KIZ: variants seen among roughly 807,000 people sequenced by gnomAD.
KIZ encodes centrosomal protein kizuna.
In KIZ, 68 loss-of-function variants were observed where a neutral mutation model predicts 79.6. That is an observed-to-expected ratio of 0.85 (90% CI 0.70 to 1.05). KIZ has a LOEUF of 1.05. Among genes scored for constraint, KIZ ranks in the 50% least tolerant of loss-of-function variants. The pLI is 0.00. For missense variants in KIZ, 797 were observed against 800.4 expected (o/e 1.00, Z 0.05); for synonymous variants, 280 against 281.8 (o/e 0.99, Z 0.06).
chr20:21,168,824 C>A (rs192118647), intron 6 of KIZ, among the ~76,000 whole-genome samples: 4 of 152,258 alleles, frequency 2.6e-5, no homozygotes, highest in African/African-American at 7.2e-5. Flanking sequence ...CAAAAACAAG[C>A]AATGGGGAAA....
intron 4 of KIZ, among the ~76,000 whole-genome samples, chr20:21,146,397 G>A (rs1171132840): frequency 6.6e-6 from 1 of 152,230 alleles, no homozygotes; most frequent in Non-Finnish European, 1.5e-5. Flanking sequence ...TCCTTAGGCT[G>A]CAGCATTCAT....
intron 9 of KIZ, among the ~76,000 whole-genome samples, chr20:21,221,214 A>G (rs1215912484): frequency 1.3e-5 from 2 of 152,180 alleles, no homozygotes; most frequent in Non-Finnish European, 2.9e-5. Flanking sequence ...TATTCACACT[A>G]AATTTACCTT....
intron 4 of KIZ, among the ~76,000 whole-genome samples, chr20:21,153,680 G>A (rs971688249): frequency 3.3e-5 from 5 of 152,118 alleles, no homozygotes; most frequent in African/African-American, 9.7e-5. Context: ...TCTGGAGGCT[G>A]GAAGTCCAAG....
intron 1 of KIZ, among the ~76,000 whole-genome samples, chr20:21,130,379 G>T (rs2031765181): frequency 6.6e-6 from 1 of 152,194 alleles, no homozygotes; most frequent in African/African-American, 2.4e-5. Context: ...GATGTATTCA[G>T]AGGTCTTCCT....
intron 6 of KIZ, among the ~76,000 whole-genome samples, chr20:21,183,124 G>T (rs577838294): frequency 3.9e-5 from 6 of 152,234 alleles, no homozygotes; most frequent in Non-Finnish European, 8.8e-5. Flanking sequence ...GTTAGTAGAT[G>T]CAGAGAACAG....
rs773332864 is a variant in KIZ at position 21,162,958 on chromosome 20, A to T, written c.1151A>T (p.Glu384Val). The T allele has an allele frequency of 6.2e-7, 1 of 1,613,756 alleles. No individual in the cohort carries two copies. The highest frequency in any genetic ancestry group is 1.3e-5 in the African/African-American group (1 of 74,912). ...AGTGACCTTACCATTTCAATAAGTG[A>T]AGATGATCTGATTTTAGAGAGCCCA... ...TSSDLTISIS[E>V]DDLILESPEP... Residue 384 changes from glutamate to valine, a missense_variant, in exon 6 of 13, where the codon GAA becomes GTA. Physicochemically the swap from Glu to Val is moderately radical, Grantham distance 121 (BLOSUM62 -2). Transcript: ENST00000619189.
chr20:21,159,011 T>A (rs1294135477), intron 4 of KIZ, among the ~76,000 whole-genome samples: 1 of 95,530 alleles, frequency 1.0e-5, no homozygotes, highest in African/African-American at 2.9e-5. Context: ...TTATTACTAT[T>A]ATTATTATTT....
chr20:21,199,728 G>A (rs1383110540), intron 6 of KIZ, among the ~76,000 whole-genome samples: 9 of 152,142 alleles, frequency 5.9e-5, no homozygotes, highest in Admixed American at 5.9e-4. Flanking sequence ...ATCATCACCT[G>A]GCCAGTTTGA....
chr20:21,133,016 A>C (rs1057404030), intron 2 of KIZ: 1 of 152,232 alleles, frequency 6.6e-6, no homozygotes, highest in African/African-American at 2.4e-5. Context: ...TATTTTATAA[A>C]AACTGAACTT....
In KIZ at chr20:21,145,563, A is replaced by G. The variant is rs1190041303; in HGVS notation, c.316-2A>G. ...ACAAAATCAAACTTTCTTTATATTTAGCTCGAATATGAGACTCAAATTAAG... is the reference window on the plus strand; with the variant it reads ...ACAAAATCAAACTTTCTTTATATTTGGCTCGAATATGAGACTCAAATTAAG... On this transcript the variant is annotated splice_acceptor_variant, in intron 3 of 12. Transcript: ENST00000619189. LOFTEE classifies it high-confidence loss of function. The G allele has an allele frequency of 4.8e-6, 7 of 1,445,440 alleles. No homozygotes were observed. The highest frequency in any genetic ancestry group is 6.6e-6 in the Non-Finnish European group (7 of 1,061,886). 89.5% of individuals were successfully genotyped at this position (1,445,440 alleles called of 1,614,324 possible).
chr20:21,141,699 T>C lies in KIZ; in HGVS notation c.316-3866T>C, dbSNP rs769089188. 3.2e-4 allele frequency among the ~76,000 whole-genome samples: 48 copies of C among 151,916 alleles called. 1 individual carries two copies. Among genetic ancestry groups the C allele is most frequent in the Non-Finnish European group, 4.3e-4 (29 of 67,976 alleles). On this transcript the variant is annotated intron_variant, in intron 3 of 12. Transcript: ENST00000619189. ...GCACAAGAGTCTTCATCTGGTTAGG[T>C]CTCTCCTTGGCCTGAAATGCTGGCC...
intron 6 of KIZ, among the ~76,000 whole-genome samples, chr20:21,171,937 G>A (rs73290096): frequency 2.0e-5 from 3 of 152,222 alleles, no homozygotes; most frequent in African/African-American, 7.2e-5. Flanking sequence ...CCTTCCAGTC[G>A]TCCCCACCAA....
intron 1 of KIZ, among the ~76,000 whole-genome samples, chr20:21,128,553 A>T (rs1474813497): frequency 1.3e-5 from 2 of 152,198 alleles, no homozygotes; most frequent in East Asian, 3.8e-4. Flanking sequence ...AGCCCAAGTC[A>T]TGTTAGCTGT....
intron 6 of KIZ, among the ~76,000 whole-genome samples, chr20:21,185,963 ACCTGCTATATAGTTTG>A (rs1376254913): frequency 2.0e-5 from 3 of 152,104 alleles, no homozygotes. Flanking sequence ...AAACTTGGGC[ACCTGCTATATAGTTTG>A]CCTACTAGAA....
chr20:21,240,306 G>A (rs1339490463), intron 11 of KIZ, among the ~76,000 whole-genome samples: 2 of 152,038 alleles, frequency 1.3e-5, no homozygotes, highest in African/African-American at 2.4e-5. Context: ...TGTATTATTA[G>A]TAGAGACAGG....
chr20:21,241,419 C>G (rs1258624351), intron 11 of KIZ, among the ~76,000 whole-genome samples: 1 of 152,234 alleles, frequency 6.6e-6, no homozygotes, highest in Non-Finnish European at 1.5e-5. Flanking sequence ...GGGTAGGCCA[C>G]GCACCACGCA....
intron 4 of KIZ, among the ~76,000 whole-genome samples, chr20:21,152,830 T>C (rs1007365938): frequency 1.3e-5 from 2 of 152,254 alleles, no homozygotes; most frequent in African/African-American, 4.8e-5. Flanking sequence ...TTACCCCACA[T>C]AGACTAGGTT....
At chr20:21,141,218 G>C (rs1171570168) in intron 3 of KIZ, among the ~76,000 whole-genome samples, 1 of 152,086 alleles carries the variant, frequency 6.6e-6, no homozygotes, top group African/African-American at 2.4e-5. Flanking sequence ...GGTTCTCCCT[G>C]AAGCAGACCT....
chr20:21,140,468 A>G (rs150330852), intron 3 of KIZ, among the ~76,000 whole-genome samples: 1 of 152,358 alleles, frequency 6.6e-6, no homozygotes, highest in African/African-American at 2.4e-5. Context: ...GGCTGGGCCC[A>G]GTTCACTATA....
Sources: allele counts gnomAD v4.1 joint callset (sites outside exome capture counted in the v4.1 genomes callset), GRCh38; gene constraint gnomAD v4.1.1; transcripts MANE v1.5; gene names NCBI Gene and HGNC (gene_info 2026-07-23, HGNC 2026-07-21).